Variants in NFIC observed in about 807,000 individuals in gnomAD.
NFIC encodes nuclear factor I C.
NFIC carries 12 observed loss-of-function variants against 54.4 expected under a neutral mutation model. That is an observed-to-expected ratio of 0.22 (90% CI 0.14 to 0.36). The LOEUF is 0.36. Ranked by LOEUF, NFIC falls within the 10% of genes least tolerant of loss-of-function variation. NFIC has a pLI of 1.00. For missense variants in NFIC, 575 were observed against 718.2 expected, an observed-to-expected ratio of 0.80 and a Z score of 2.28; for synonymous variants, 322 against 319.2, an observed-to-expected ratio of 1.01 and a Z score of -0.09.
At chr19:3,368,797 C>T (rs1256105746) in intron 1 of NFIC, among the ~76,000 whole-genome samples, 1 of 152,198 alleles carries the variant, frequency 6.6e-6, no homozygotes, top group African/African-American at 2.4e-5. Flanking sequence ...ATGCAGGAGC[C>T]TCCCACCCAA....
At chr19:3,409,096 G>C (rs1057487514) in intron 2 of NFIC, among the ~76,000 whole-genome samples, 2 of 152,044 alleles carry the variant, frequency 1.3e-5, no homozygotes, top group East Asian at 1.9e-4. Context: ...TCCCACTGCA[G>C]GATAAAACCC....
intron 2 of NFIC, among the ~76,000 whole-genome samples, chr19:3,396,343 G>A (rs1010630440): frequency 4.6e-5 from 7 of 152,054 alleles, no homozygotes; most frequent in Non-Finnish European, 1.0e-4. Context: ...GTGGTGGTGG[G>A]CGCCTGTAGT....
Position 3,456,600 on chromosome 19 carries a change from G to A in NFIC, c.1474G>A (p.Gly492Arg), listed in dbSNP as rs1237221358. Residue 492 changes from glycine to arginine, a missense_variant, in exon 10 of 11, where the codon GGA becomes AGA. Coordinates refer to ENST00000443272, the MANE Select transcript of NFIC (RefSeq NM_001245002.2). The stretch of plus-strand genomic sequence containing the variant: ...TGCAAACCGTTCCTTTGTGGGATTA[G>A]GACCAAGGGATCCTGCGGGCATTTA... ...SPANRSFVGL[G>R]PRDPAGIYQA... 1 of 1,553,990 alleles carries A rather than the reference G, an allele frequency of 6.4e-7. No homozygotes were observed.
At chr19:3,428,688 G>T (rs972499886) in intron 3 of NFIC, among the ~76,000 whole-genome samples, 2 of 152,162 alleles carry the variant, frequency 1.3e-5, no homozygotes, top group Admixed American at 1.3e-4. Flanking sequence ...GGAGGTGGGG[G>T]CAGCGGCGCT....
At chr19:3,449,241 G>T (rs2082419696) in intron 7 of NFIC, 102 bp downstream of exon 7, 1 of 1,474,656 alleles carries the variant, frequency 6.8e-7, no homozygotes, top group Non-Finnish European at 9.0e-7. Flanking sequence ...GAGTCCTATT[G>T]CTGTAGCCTT....
intron 2 of NFIC, among the ~76,000 whole-genome samples, chr19:3,402,025 T>A (rs1306138083): frequency 6.6e-6 from 1 of 150,846 alleles, no homozygotes; most frequent in Non-Finnish European, 1.5e-5. Flanking sequence ...CCCAGCCTAT[T>A]CTCATTTATT....
intron 7 of NFIC, among the ~76,000 whole-genome samples, chr19:3,450,071 G>A (rs1401936976): frequency 2.0e-5 from 3 of 151,948 alleles, no homozygotes; most frequent in African/African-American, 4.8e-5. Context: ...AAGGCTAAGT[G>A]CAAGTGGCTC....
chr19:3,427,088 G>A (rs577591975), intron 3 of NFIC, among the ~76,000 whole-genome samples: 293 of 151,942 alleles, frequency 1.9e-3, no homozygotes, highest in Middle Eastern at 6.8e-3. Flanking sequence ...CACCACACCC[G>A]GGTAATTTTT....
At chr19:3,404,564 CT>C (rs978076459) in intron 2 of NFIC, among the ~76,000 whole-genome samples, 1 of 151,886 alleles carries the variant, frequency 6.6e-6, no homozygotes, top group African/African-American at 2.4e-5. Flanking sequence ...GCCCCAGAGG[CT>C]CCCTTGTCAC....
chr19:3,392,809 A>G (rs967018109), intron 2 of NFIC, among the ~76,000 whole-genome samples: 2 of 152,216 alleles, frequency 1.3e-5, no homozygotes, highest in African/African-American at 4.8e-5. Context: ...TGAGGGGTGA[A>G]GCAGAGGGCA....
intron 3 of NFIC, among the ~76,000 whole-genome samples, chr19:3,432,991 G>A (rs893348219): frequency 2.8e-4 from 42 of 148,958 alleles, no homozygotes; most frequent in African/African-American, 1.0e-3. Context: ...TTAAGAGAGG[G>A]TGTCGCCCTG....
At chr19:3,368,630 G>C (rs1338697011) in intron 1 of NFIC, among the ~76,000 whole-genome samples, 1 of 152,132 alleles carries the variant, frequency 6.6e-6, no homozygotes, top group African/African-American at 2.4e-5. Flanking sequence ...TCTCCTCTCT[G>C]CCCCGCCCTC....
In NFIC at chr19:3,467,261, AAAG is replaced by A. The variant is rs1299937178; in HGVS notation, c.*4495_*4497del. ...TTCTGGGGTCTGCCCATGCTGTGGG[AAAG>A]AATAGGGAGGCCTCCCAAATATATG... On this transcript the variant is annotated 3_prime_UTR_variant, in exon 11 of 11. Coordinates refer to ENST00000443272, the MANE Select transcript of NFIC (RefSeq NM_001245002.2). 4 of 119,758 alleles carry A rather than the reference AAAG, an allele frequency of 3.3e-5. No homozygotes were observed. The highest frequency in any genetic ancestry group is 1.1e-4 in the Admixed American group (1 of 9,024). 7.4% of individuals were successfully genotyped at this position (119,758 alleles called of 1,614,324 possible). A position where few individuals can be genotyped will look rare whatever the true frequency, so the allele number is the denominator to read the frequency against.
At chr19:3,408,058 G>T (rs951749195) in intron 2 of NFIC, among the ~76,000 whole-genome samples, 19 of 152,148 alleles carry the variant, frequency 1.2e-4, no homozygotes, top group Non-Finnish European at 2.2e-4. Context: ...CTCTTTAGCT[G>T]GCTGAGGTTG....
chr19:3,409,344 G>A (rs1003392403), intron 2 of NFIC, among the ~76,000 whole-genome samples: 2 of 152,166 alleles, frequency 1.3e-5, no homozygotes, highest in African/African-American at 2.4e-5. Flanking sequence ...CACATCCTCA[G>A]AGAGGTTCTG....
intron 2 of NFIC, among the ~76,000 whole-genome samples, chr19:3,408,576 G>C (rs894009767): frequency 3.3e-5 from 5 of 151,958 alleles, no homozygotes; most frequent in Non-Finnish European, 5.9e-5. Context: ...TGAGCATCTG[G>C]GACCACACAT....
At chr19:3,434,675 G>T (rs553399646) in intron 5 of NFIC, among the ~76,000 whole-genome samples, 53 of 152,144 alleles carry the variant, frequency 3.5e-4, no homozygotes, top group Non-Finnish European at 6.5e-4. Context: ...TGCAGACACA[G>T]GTTGTTGCTG....
At chr19:3,421,354 C>G (rs768143157) in intron 2 of NFIC, among the ~76,000 whole-genome samples, 1 of 152,230 alleles carries the variant, frequency 6.6e-6, no homozygotes. Context: ...GGCGCCCGGA[C>G]GGCCGGCTGC....
chr19:3,421,724 C>T (rs891154301), intron 2 of NFIC, among the ~76,000 whole-genome samples: 9 of 152,192 alleles, frequency 5.9e-5, no homozygotes, highest in African/African-American at 1.7e-4. Flanking sequence ...CCAGAGGCTC[C>T]GTGCGCTAGG....
Sources: gnomAD v4.1 joint callset for allele counts (sites outside exome capture counted in the v4.1 genomes callset) on GRCh38, gnomAD v4.1.1 for gene constraint, MANE v1.5 for transcripts, NCBI Gene and HGNC (gene_info 2026-07-23, HGNC 2026-07-21) for gene names.